Variants in ARMC3 observed in about 807,000 individuals in gnomAD.
The protein encoded by ARMC3 is armadillo repeat containing 3, also known as armadillo repeat-containing protein 3.
ARMC3 carries 74 observed loss-of-function variants against 90.3 expected under a neutral mutation model. The observed-to-expected ratio is 0.82, with a 90% CI of 0.68 to 0.99. The LOEUF (loss-of-function observed/expected upper bound fraction) is 0.99, where lower values mean the gene tolerates loss of function less well. ARMC3 is among the 50% of genes least tolerant of loss of function. The pLI is 0.00. For missense variants in ARMC3, 958 were observed against 1,042.8 expected (o/e 0.92, Z 1.12); for synonymous variants, 334 against 361.8 (o/e 0.92, Z 0.87).
At chr10:22,972,223 G>A (rs1835711229) in intron 8 of ARMC3, among the ~76,000 whole-genome samples, 1 of 152,166 alleles carries the variant, frequency 6.6e-6, no homozygotes, top group South Asian at 2.1e-4. Context: ...TGTTGGCTAT[G>A]CTGTTTGCTG....
At chr10:22,939,337 GGT>G (rs1448778364) in intron 2 of ARMC3, among the ~76,000 whole-genome samples, 1 of 152,138 alleles carries the variant, frequency 6.6e-6, no homozygotes, top group African/African-American at 2.4e-5. Flanking sequence ...ATCTGTATGG[GGT>G]GGAACTCCAC....
chr10:22,964,549 C>T (rs1266011459), intron 7 of ARMC3, among the ~76,000 whole-genome samples: 2 of 150,678 alleles, frequency 1.3e-5, no homozygotes, highest in African/African-American at 2.4e-5. Context: ...AAGTGATTTT[C>T]CTACTCAGCC....
intron 13 of ARMC3, among the ~76,000 whole-genome samples, chr10:23,004,232 T>C (rs1010050191): frequency 7.2e-5 from 11 of 152,174 alleles, no homozygotes; most frequent in Admixed American, 5.2e-4. Flanking sequence ...AAGGACACTT[T>C]TTACATGACT....
chr10:23,012,625 A>G lies in ARMC3; in HGVS notation c.2045+3694A>G, dbSNP rs1288259215. Reference sequence around the variant, plus strand: ...TTGTTCATGTTAATCATATTCCCATACAATCACCCATGCCTAGGAACCATC... The same window carrying G: ...TTGTTCATGTTAATCATATTCCCATGCAATCACCCATGCCTAGGAACCATC... On this transcript the variant is annotated intron_variant, in intron 16 of 18. Coordinates refer to ENST00000298032, the MANE Select transcript of ARMC3 (RefSeq NM_173081.5). 2.0e-5 allele frequency among the ~76,000 whole-genome samples: 3 copies of G among 152,032 alleles called. No individual in the cohort carries two copies. The South Asian group carries it at 6.2e-4, about 32-fold the overall frequency.
At chr10:22,981,890 A>C (rs1158651590) in intron 10 of ARMC3, among the ~76,000 whole-genome samples, 190 bp downstream of exon 10, 1 of 152,172 alleles carries the variant, frequency 6.6e-6, no homozygotes, top group Non-Finnish European at 1.5e-5. Context: ...ATATTACAAA[A>C]TCTTTACTGT....
At chr10:22,990,068 T>C (rs904948136) in intron 10 of ARMC3, among the ~76,000 whole-genome samples, 1 of 152,244 alleles carries the variant, frequency 6.6e-6, no homozygotes, top group African/African-American at 2.4e-5. Flanking sequence ...CAGAGACTGA[T>C]ATTTGCATAA....
At position 23,006,981 on chromosome 10, in the gene ARMC3, T is replaced by C; in HGVS notation, c.1829T>C (p.Val610Ala). ...CTCTTAATCAACAGTAAATCTTACG[T>C]GTGAGTCTCTGCAGGGAGAGGGGAT... ...AVLLINSKSY[V>A]SPPSSMEDKS... Residue 610 changes from valine (V) to alanine (A), a missense_variant and splice_region_variant, in exon 14 of 19, where the codon GTT becomes GCT. Val to Ala is a moderately conservative substitution (Grantham distance 64). Coordinates refer to ENST00000298032, the MANE Select transcript of ARMC3 (RefSeq NM_173081.5). 1 of 1,599,536 alleles carries C rather than the reference T, an allele frequency of 6.3e-7. No homozygotes were observed.
intron 10 of ARMC3, among the ~76,000 whole-genome samples, chr10:22,986,112 C>A (rs953884302): frequency 2.3e-4 from 33 of 145,732 alleles, no homozygotes; most frequent in African/African-American, 7.7e-4. Flanking sequence ...CACTGCACGC[C>A]CCCCCCCCGC....
intron 3 of ARMC3, among the ~76,000 whole-genome samples, chr10:22,947,761 A>C (rs754074530): frequency 1.3e-5 from 2 of 152,230 alleles, no homozygotes; most frequent in Non-Finnish European, 2.9e-5. Context: ...GGTATGTGCA[A>C]AGTCTTTGTA....
At chr10:22,957,303 A>G (rs1170661529) in intron 4 of ARMC3, among the ~76,000 whole-genome samples, 1 of 152,050 alleles carries the variant, frequency 6.6e-6, no homozygotes, top group Non-Finnish European at 1.5e-5. Context: ...GAAGTTGGGG[A>G]GAGACGTGGA....
At chr10:22,942,763 T>C (rs1588819546) in intron 2 of ARMC3, among the ~76,000 whole-genome samples, 1 of 152,238 alleles carries the variant, frequency 6.6e-6, no homozygotes, top group South Asian at 2.1e-4. Flanking sequence ...AATGTATGTA[T>C]CCACAAAAAG....
intron 10 of ARMC3, among the ~76,000 whole-genome samples, chr10:22,996,196 A>T (rs1283573778): frequency 1.3e-5 from 2 of 152,302 alleles, no homozygotes; most frequent in East Asian, 3.9e-4. Flanking sequence ...CAGTATTTCC[A>T]TTGCAAAAAT....
At chr10:22,987,508 G>A (rs12254304) in intron 10 of ARMC3, among the ~76,000 whole-genome samples, 2,945 of 152,306 alleles carry the variant, frequency 0.019, 94 homozygotes, top group African/African-American at 0.067. Flanking sequence ...TAGTATAAAT[G>A]TTGGCTAGAC....
chr10:22,982,304 G>A (rs745315659), intron 10 of ARMC3, among the ~76,000 whole-genome samples: 6 of 152,218 alleles, frequency 3.9e-5, no homozygotes, highest in South Asian at 2.1e-4. Context: ...CTTGAACCCC[G>A]GAGGTGGAGG....
chr10:23,033,869 G>T (rs1358127862), intron 18 of ARMC3, among the ~76,000 whole-genome samples: 3 of 152,176 alleles, frequency 2.0e-5, no homozygotes, highest in Non-Finnish European at 2.9e-5. Flanking sequence ...GAGTGGGGCA[G>T]CTGGTAATGA....
chr10:22,982,111 TC>T (rs1426603345), intron 10 of ARMC3, among the ~76,000 whole-genome samples: 2 of 152,184 alleles, frequency 1.3e-5, no homozygotes, highest in Admixed American at 6.5e-5. Context: ...GGTCAGTGGC[TC>T]CCACCTGTAA....
chr10:22,985,046 ATTTTTTTTTTTT>A (rs535085393), intron 10 of ARMC3, among the ~76,000 whole-genome samples: 1 of 83,610 alleles, frequency 1.2e-5, no homozygotes, highest in East Asian at 3.8e-4. Flanking sequence ...TTAATTTTTC[ATTTTTTTTTTTT>A]TTTTTTTTTT....
intron 1 of ARMC3, among the ~76,000 whole-genome samples, chr10:22,931,281 T>C (rs1833921163): frequency 6.6e-6 from 1 of 152,230 alleles, no homozygotes; most frequent in Non-Finnish European, 1.5e-5. Context: ...TAACTATGTA[T>C]AAATTCCATT....
chr10:23,015,161 A>T (rs1838219578), intron 16 of ARMC3, among the ~76,000 whole-genome samples: 1 of 152,092 alleles, frequency 6.6e-6, no homozygotes, highest in Non-Finnish European at 1.5e-5. Context: ...GAGAAAGGGG[A>T]AGTACGGATT....
Sources: allele counts gnomAD v4.1 joint callset (sites outside exome capture counted in the v4.1 genomes callset), GRCh38; gene constraint gnomAD v4.1.1; transcripts MANE v1.5; gene names NCBI Gene and HGNC (gene_info 2026-07-23, HGNC 2026-07-21).